Variants in NEO1 observed in about 807,000 individuals in gnomAD.
NEO1 encodes neogenin 1, also known as neogenin.
NEO1 carries 63 observed loss-of-function variants against 159.7 expected under a neutral mutation model. The observed-to-expected ratio is 0.39, with a 90% CI of 0.32 to 0.49. The LOEUF (loss-of-function observed/expected upper bound fraction) is 0.49. Among genes scored for constraint, NEO1 ranks in the 20% least tolerant of loss-of-function variants. The pLI is 0.85. For synonymous variants in NEO1, 633 were observed against 662.0 expected (o/e 0.96, Z 0.67); for missense variants, 1,615 against 1,831.0 (o/e 0.88, Z 2.15).
intron 11 of NEO1, among the ~76,000 whole-genome samples, chr15:73,252,763 A>G (rs1476843435): frequency 1.3e-5 from 2 of 152,054 alleles, no homozygotes; most frequent in African/African-American, 2.4e-5. Flanking sequence ...GCCGAGGCAG[A>G]TGGATCACCT....
chr15:73,075,649 T>C (rs1299151442), intron 1 of NEO1, among the ~76,000 whole-genome samples: 4 of 105,446 alleles, frequency 3.8e-5, no homozygotes, highest in African/African-American at 6.4e-5. Context: ...ACACTGGCCA[T>C]GTGAAGATTG....
At chr15:73,114,625 A>G (rs765362394) in intron 1 of NEO1, among the ~76,000 whole-genome samples, 3 of 152,216 alleles carry the variant, frequency 2.0e-5, no homozygotes, top group Admixed American at 6.5e-5. Flanking sequence ...AAACTGCGAA[A>G]CATTTAAATT....
intron 15 of NEO1, among the ~76,000 whole-genome samples, chr15:73,262,588 TAGTAGACTGGC>T (rs1490700624): frequency 6.6e-6 from 1 of 152,210 alleles, no homozygotes; most frequent in Non-Finnish European, 1.5e-5. Flanking sequence ...TGCTAAATGT[TAGTAGACTGGC>T]AATAACAAAT....
At chr15:73,206,661 A>G (rs117790175) in intron 7 of NEO1, among the ~76,000 whole-genome samples, 1 of 152,192 alleles carries the variant, frequency 6.6e-6, no homozygotes, top group East Asian at 1.9e-4. Context: ...ACTCTATGGA[A>G]TATCTCTGGT....
chr15:73,164,224 T>G (rs2034410804), intron 5 of NEO1, among the ~76,000 whole-genome samples: 1 of 150,062 alleles, frequency 6.7e-6, no homozygotes, highest in Non-Finnish European at 1.5e-5. Flanking sequence ...TTTTTTTTTT[T>G]TTTGAGACGA....
chr15:73,114,563 G>A (rs557908913), intron 1 of NEO1, among the ~76,000 whole-genome samples: 5 of 151,660 alleles, frequency 3.3e-5, no homozygotes, highest in African/African-American at 7.3e-5. Flanking sequence ...ACTTTTTTTC[G>A]TTGTTCAACC....
chr15:73,107,700 C>T (rs1180526796), intron 1 of NEO1, among the ~76,000 whole-genome samples: 3 of 152,086 alleles, frequency 2.0e-5, no homozygotes, highest in African/African-American at 7.2e-5. Flanking sequence ...TGAATTGTAC[C>T]TCCAAGTTAA....
intron 1 of NEO1, among the ~76,000 whole-genome samples, chr15:73,097,301 A>T (rs1359656000): frequency 1.3e-5 from 2 of 149,006 alleles, no homozygotes; most frequent in Non-Finnish European, 3.0e-5. Flanking sequence ...TTATCTTTTA[A>T]TTTCATTTTT....
intron 18 of NEO1, 129 bp downstream of exon 18, chr15:73,270,583 G>A (rs1596542512): frequency 9.6e-7 from 1 of 1,039,688 alleles, no homozygotes. Context: ...TGCTATTTCA[G>A]CTGACAAGTT....
chr15:73,057,292 T>C (rs11632639), intron 1 of NEO1, among the ~76,000 whole-genome samples: 59,286 of 152,010 alleles, frequency 0.39, 13,575 homozygotes, highest in Middle Eastern at 0.52. Context: ...TTCTTCCTTA[T>C]GAGTTTTTCT....
intron 1 of NEO1, among the ~76,000 whole-genome samples, chr15:73,064,423 T>C (rs1035817158): frequency 2.6e-5 from 4 of 152,190 alleles, no homozygotes; most frequent in African/African-American, 4.8e-5. Context: ...TTAACTTAAA[T>C]GTGTGTATGA....
At chr15:73,088,521 A>G (rs1003197085) in intron 1 of NEO1, among the ~76,000 whole-genome samples, 1 of 152,132 alleles carries the variant, frequency 6.6e-6, no homozygotes, top group Non-Finnish European at 1.5e-5. Flanking sequence ...ATGGAAAGTA[A>G]AGAGGAAAGA....
At chr15:73,298,871 C>T (rs981682179) in intron 27 of NEO1, among the ~76,000 whole-genome samples, 2 of 152,168 alleles carry the variant, frequency 1.3e-5, no homozygotes, top group Admixed American at 1.3e-4. Flanking sequence ...GTTTTATGTG[C>T]AGCACCTTTG....
intron 5 of NEO1, among the ~76,000 whole-genome samples, chr15:73,156,811 G>T (rs1033150659): frequency 2.0e-5 from 3 of 152,154 alleles, no homozygotes; most frequent in African/African-American, 7.2e-5. Flanking sequence ...GGGCCAAGCT[G>T]AGTGGAGCTG....
intron 7 of NEO1, among the ~76,000 whole-genome samples, chr15:73,179,989 C>G (rs1444943289): frequency 6.6e-6 from 1 of 151,910 alleles, no homozygotes; most frequent in Admixed American, 6.6e-5. Context: ...TTTTCTTATA[C>G]TAAATTACTA....
At chr15:73,249,881 G>A (rs113195530) in intron 11 of NEO1, among the ~76,000 whole-genome samples, 160 bp downstream of exon 11, 234 of 152,220 alleles carry the variant, frequency 1.5e-3, no homozygotes, top group African/African-American at 5.2e-3. Flanking sequence ...CTTTTTTCAC[G>A]TGTAAAATGT....
At chr15:73,057,778 G>A (rs1201759156) in intron 1 of NEO1, among the ~76,000 whole-genome samples, 12 of 151,912 alleles carry the variant, frequency 7.9e-5, no homozygotes, top group Admixed American at 7.9e-4. Flanking sequence ...TTGTAATCAT[G>A]GTGTATGTAT....
intron 7 of NEO1, among the ~76,000 whole-genome samples, chr15:73,190,110 TG>T (rs1174086711): frequency 1.3e-5 from 2 of 152,180 alleles, no homozygotes; most frequent in Non-Finnish European, 2.9e-5. Flanking sequence ...AAAAAAGCAT[TG>T]GCAGGTACAT....
At chr15:73,253,563 G>A (rs1264973200) in intron 12 of NEO1, 114 bp downstream of exon 12, 3 of 616,204 alleles carry the variant, frequency 4.9e-6, no homozygotes, top group African/African-American at 3.7e-5. Flanking sequence ...ATGGCGATGT[G>A]GTAATAATCT....
Sources: allele counts gnomAD v4.1 joint callset (sites outside exome capture counted in the v4.1 genomes callset), GRCh38; gene constraint gnomAD v4.1.1; transcripts MANE v1.5; gene names NCBI Gene and HGNC (gene_info 2026-07-23, HGNC 2026-07-21).